UBR2: variants seen among roughly 807,000 people sequenced by gnomAD.
UBR2 encodes the protein ubiquitin protein ligase E3 component n-recognin 2.
Under a neutral mutation model 247.9 loss-of-function variants are expected in UBR2, and 92 were observed. That is an observed-to-expected ratio of 0.37 (90% confidence interval 0.31 to 0.44). The LOEUF (loss-of-function observed/expected upper bound fraction) is 0.44. UBR2 is among the 20% of genes least tolerant of loss of function. The pLI, the probability that UBR2 is intolerant of heterozygous loss-of-function variation, is 1.00. For missense variants in UBR2, 1,613 were observed against 2,112.6 expected, an observed-to-expected ratio of 0.76 and a Z score of 4.64; for synonymous variants, 672 against 693.5, an observed-to-expected ratio of 0.97 and a Z score of 0.49.
chr6:42,644,415 A>T, intron 19 of UBR2, 58 bp from the exon 20 acceptor site: 3 of 1,604,608 alleles, frequency 1.9e-6, no homozygotes, highest in Non-Finnish European at 2.6e-6. Flanking sequence ...TAATCCTCTG[A>T]GATTATGCAA....
intron 7 of UBR2, among the ~76,000 whole-genome samples, chr6:42,608,956 T>C (rs1189982887): frequency 6.6e-6 from 1 of 152,224 alleles, no homozygotes; most frequent in Non-Finnish European, 1.5e-5. Flanking sequence ...TGTCTCAACA[T>C]ATTCAATTTA....
intron 34 of UBR2, 121 bp downstream of exon 34, chr6:42,666,366 T>C (rs1798107442): frequency 6.5e-6 from 5 of 765,014 alleles, no homozygotes; most frequent in Admixed American, 2.7e-5. Flanking sequence ...TACTGATCTT[T>C]AGTTGTAAGG....
At chr6:42,662,707 G>T (rs1276857477) in intron 31 of UBR2, among the ~76,000 whole-genome samples, 3 of 152,074 alleles carry the variant, frequency 2.0e-5, no homozygotes, top group African/African-American at 4.8e-5. Flanking sequence ...TTCTACCTTG[G>T]TGTTTCCTAT....
At chr6:42,669,672 T>C (rs1798320599) in intron 34 of UBR2, among the ~76,000 whole-genome samples, 1 of 152,238 alleles carries the variant, frequency 6.6e-6, no homozygotes, top group African/African-American at 2.4e-5. Flanking sequence ...TGCTGACTTG[T>C]AAGCCTCACA....
intron 5 of UBR2, 62 bp downstream of exon 5, chr6:42,603,780 C>T (rs931916963): frequency 3.4e-6 from 5 of 1,484,636 alleles, no homozygotes; most frequent in Non-Finnish European, 4.5e-6. Flanking sequence ...TTTAACACAG[C>T]TAGTATAGGG....
chr6:42,684,893 G>C, intron 44 of UBR2, 22 bp downstream of exon 44: 2 of 1,588,466 alleles, frequency 1.3e-6, no homozygotes, highest in Non-Finnish European at 1.7e-6. Context: ...TGTTAGCATT[G>C]AACATTCCCT....
At position 42,614,439 on chromosome 6, in the gene UBR2, C is replaced by CGTACATACATACGTATATACGTATGTAT. The variant is rs1562312402; in HGVS notation, c.986-625_986-624insCATACGTATATACGTATGTATGTACATA. Among the ~76,000 whole-genome samples the CGTACATACATACGTATATACGTATGTAT allele has an allele frequency of 6.4e-3, 589 of 92,060 alleles. 63 individuals carry two copies. The highest frequency in any genetic ancestry group is 0.022 in the African/African-American group (529 of 23,584). 60.4% of individuals were successfully genotyped at this position (92,060 alleles called of 152,430 possible). On this transcript the variant is annotated intron_variant, in intron 8 of 46. Coordinates refer to ENST00000372901, the MANE Select transcript of UBR2 (RefSeq NM_001363705.2). ...ACGTACGTACATATATATGTATGTA[C>CGTACATACATACGTATATACGTATGTAT]GTACATATATATGTATGGAACAAAT... is the stretch of plus-strand genomic sequence containing the variant.
At chr6:42,645,387 G>T (rs1796696048) in intron 20 of UBR2, 79 bp from the exon 21 acceptor site, 2 of 1,310,936 alleles carry the variant, frequency 1.5e-6, no homozygotes, top group South Asian at 2.5e-5. Flanking sequence ...ATAACATGCT[G>T]CATGAATTAT....
Position 42,585,431 on chromosome 6 carries a change from G to A in UBR2, c.339-6720G>A, listed in dbSNP as rs183366053. Among the ~76,000 whole-genome samples the A allele has an allele frequency of 3.8e-4, 58 of 152,158 alleles. 1 individual carries two copies. In the East Asian group the frequency reaches 9.8e-3, roughly 26 times the overall value. On this transcript the variant is annotated intron_variant, in intron 2 of 46. Coordinates refer to ENST00000372901, the MANE Select transcript of UBR2 (RefSeq NM_001363705.2). ...TGTGTTTGTCCGGTCTTGGTTGTTAGGGTTATACTGGCCTTGTAAAACGAA... is the reference window on the plus strand; with the variant it reads ...TGTGTTTGTCCGGTCTTGGTTGTTAAGGTTATACTGGCCTTGTAAAACGAA...
intron 11 of UBR2, among the ~76,000 whole-genome samples, chr6:42,630,296 T>C (rs1392766666): frequency 1.3e-5 from 2 of 151,862 alleles, no homozygotes; most frequent in Non-Finnish European, 1.5e-5. Flanking sequence ...GCGGTTCTCC[T>C]GTCTCAGCCT....
intron 4 of UBR2, among the ~76,000 whole-genome samples, chr6:42,599,157 G>A (rs1318337537): frequency 6.6e-6 from 1 of 152,054 alleles, no homozygotes; most frequent in African/African-American, 2.4e-5. Context: ...GAAGATTTTT[G>A]TAATCTGAAA....
intron 42 of UBR2, among the ~76,000 whole-genome samples, chr6:42,682,637 C>T (rs1396369302): frequency 1.3e-5 from 2 of 152,060 alleles, no homozygotes; most frequent in Non-Finnish European, 2.9e-5. Context: ...CCAGGCTGGT[C>T]TCAAACTCCT....
intron 5 of UBR2, among the ~76,000 whole-genome samples, chr6:42,604,370 G>A (rs1402846910): frequency 1.3e-5 from 2 of 152,136 alleles, no homozygotes; most frequent in African/African-American, 4.8e-5. Context: ...ATGAATACAA[G>A]CTGGAATGAG....
At position 42,662,195 on chromosome 6, in the gene UBR2, CCAT is replaced by C. The variant is rs760525740; in HGVS notation, c.3455_3457del (p.Pro1152del). 6.2e-7 allele frequency: 1 copy of C among 1,600,864 alleles called. No individual in the cohort carries two copies. Among genetic ancestry groups the C allele is most frequent in the Non-Finnish European group, 8.5e-7 (1 of 1,173,044 alleles). ...GTTTTGTAATGCAGAAAAATATGAT[CCAT>C]TATTCATGCACCCTGATCTGTCTTG... is the stretch of plus-strand genomic sequence containing the variant. On this transcript the variant is annotated inframe_deletion, in exon 31 of 47. Coordinates refer to ENST00000372901, the MANE Select transcript of UBR2 (RefSeq NM_001363705.2).
intron 10 of UBR2, chr6:42,617,092 A>G (rs1794605458): frequency 4.4e-6 from 3 of 674,178 alleles, no homozygotes; most frequent in Admixed American, 2.5e-5. Context: ...ATCAATATCT[A>G]TACAGGATTC....
intron 7 of UBR2, among the ~76,000 whole-genome samples, chr6:42,609,896 AAAAAAAAAAAAAG>A (rs1396328876): frequency 1.1e-4 from 16 of 141,714 alleles, no homozygotes; most frequent in Admixed American, 7.5e-5. Context: ...ACCCTGTTAC[AAAAAAAAAAAAAG>A]AAAAAAAAAG....
In UBR2 at chr6:42,670,170, T is replaced by C. The variant is rs777590162; in HGVS notation, c.3960T>C (p.His1320=). Residue 1320 remains histidine (H), a synonymous_variant, in exon 35 of 47, where the codon CAT becomes CAC. Coordinates refer to ENST00000372901, the MANE Select transcript of UBR2 (RefSeq NM_001363705.2). ...CCTACAAGGTGGGACTAAAGGTTCATCCCAATGAAGAGGATCCTCGTGTTC... is the reference window on the plus strand; with the variant it reads ...CCTACAAGGTGGGACTAAAGGTTCACCCCAATGAAGAGGATCCTCGTGTTC... ...TATYKVGLKV[H]PNEEDPRVPI... is the part of the protein sequence containing the mutation. The C allele has an allele frequency of 1.5e-5, 24 of 1,614,062 alleles. No individual in the cohort carries two copies. The South Asian group carries it at 2.5e-4, about 17-fold the overall frequency.
intron 23 of UBR2, among the ~76,000 whole-genome samples, chr6:42,651,519 A>T (rs1007675191): frequency 1.3e-5 from 2 of 151,454 alleles, no homozygotes; most frequent in Non-Finnish European, 2.9e-5. Flanking sequence ...TTTTTTTGAG[A>T]TAGGGTCTCA....
intron 15 of UBR2, among the ~76,000 whole-genome samples, chr6:42,638,148 G>A (rs541934158): frequency 1.4e-4 from 21 of 152,090 alleles, no homozygotes; most frequent in African/African-American, 5.1e-4. Flanking sequence ...GTTTTGGAAG[G>A]TTATTAATAA....
Sources: allele counts gnomAD v4.1 joint callset (sites outside exome capture counted in the v4.1 genomes callset), GRCh38; gene constraint gnomAD v4.1.1; transcripts MANE v1.5; gene names NCBI Gene and HGNC (gene_info 2026-07-23, HGNC 2026-07-21).